Variants in DLG2 observed in about 807,000 individuals in gnomAD.
DLG2 encodes the protein discs large MAGUK scaffold protein 2, also known as disks large homolog 2.
In DLG2, 45 loss-of-function variants were observed where a neutral mutation model predicts 132.5. The ratio of observed to expected loss-of-function variants is 0.34; its 90% CI spans 0.27 to 0.44. The LOEUF (loss-of-function observed/expected upper bound fraction) is 0.44. Among genes scored for constraint, DLG2 ranks in the 20% least tolerant of loss-of-function variants. The pLI, the probability that DLG2 is intolerant of heterozygous loss-of-function variation, is 1.00. For missense variants in DLG2, 1,045 were observed against 1,196.9 expected (o/e 0.87, Z 1.87); for synonymous variants, 424 against 419.6 (o/e 1.01, Z -0.13).
At chr11:83,929,148 A>G (rs903781302) in intron 15 of DLG2, among the ~76,000 whole-genome samples, 1 of 152,204 alleles carries the variant, frequency 6.6e-6, no homozygotes, top group African/African-American at 2.4e-5. Context: ...TGGAAATGTT[A>G]GATGTAATTT....
chr11:85,273,329 G>A (rs1269055117), intron 4 of DLG2, among the ~76,000 whole-genome samples: 3 of 152,024 alleles, frequency 2.0e-5, no homozygotes, highest in Non-Finnish European at 4.4e-5. Context: ...CCTACAGAAT[G>A]GGAAGAAATT....
intron 7 of DLG2, among the ~76,000 whole-genome samples, chr11:84,510,635 C>T (rs1056460477): frequency 5.9e-5 from 9 of 151,956 alleles, no homozygotes; most frequent in Non-Finnish European, 1.0e-4. Flanking sequence ...TATAATACAA[C>T]TTGGAACATA....
intron 18 of DLG2, among the ~76,000 whole-genome samples, chr11:83,711,128 G>T (rs2085323366): frequency 1.3e-5 from 2 of 152,138 alleles, no homozygotes; most frequent in African/African-American, 4.8e-5. Flanking sequence ...TGCATTCAAA[G>T]AATGCAATTC....
chr11:85,562,097 A>C (rs1463315267), intron 3 of DLG2, among the ~76,000 whole-genome samples: 1 of 151,760 alleles, frequency 6.6e-6, no homozygotes, highest in African/African-American at 2.4e-5. Context: ...TTGAAAAAGG[A>C]ACTGTACCAC....
chr11:84,398,066 T>A (rs142939811), intron 7 of DLG2, among the ~76,000 whole-genome samples: 53 of 152,360 alleles, frequency 3.5e-4, no homozygotes, highest in African/African-American at 1.2e-3. Context: ...TAAGTGATAC[T>A]GTTATTTAAA....
intron 6 of DLG2, among the ~76,000 whole-genome samples, chr11:84,606,791 TC>T (rs945437045): frequency 2.9e-4 from 44 of 152,096 alleles, no homozygotes; most frequent in African/African-American, 1.0e-3. Context: ...AAGAAAAAGG[TC>T]ATAGGAGACA....
chr11:85,175,020 C>A (rs941162037), intron 4 of DLG2, among the ~76,000 whole-genome samples: 2 of 152,104 alleles, frequency 1.3e-5, no homozygotes, highest in Admixed American at 1.3e-4. Flanking sequence ...AAATTTACAG[C>A]TGAATTCTAC....
chr11:83,974,874 C>T (rs561232148), intron 12 of DLG2, among the ~76,000 whole-genome samples: 18 of 152,124 alleles, frequency 1.2e-4, no homozygotes, highest in African/African-American at 4.3e-4. Flanking sequence ...TGTTACTTTT[C>T]CTGTCACTTA....
chr11:83,851,253 G>T (rs6592150), intron 16 of DLG2, among the ~76,000 whole-genome samples: 60,932 of 151,596 alleles, frequency 0.4, 12,639 homozygotes, highest in African/African-American at 0.5. Flanking sequence ...AAAGGATTGT[G>T]GCAGATGTTA....
intron 3 of DLG2, among the ~76,000 whole-genome samples, chr11:85,520,912 T>TA (rs568499495): frequency 3.3e-3 from 501 of 151,198 alleles, no homozygotes; most frequent in Middle Eastern, 0.017. Flanking sequence ...ATAAAATTAC[T>TA]AAAAAAAAAC....
At chr11:84,998,626 T>C (rs2057910453) in intron 6 of DLG2, among the ~76,000 whole-genome samples, 1 of 152,164 alleles carries the variant, frequency 6.6e-6, no homozygotes, top group Non-Finnish European at 1.5e-5. Context: ...TACACAGTAA[T>C]TTGGCACCAA....
In DLG2 at chr11:85,351,387, T is replaced by C. The variant is rs147064308; in HGVS notation, c.41-66022A>G. Among the ~76,000 whole-genome samples, 601 of 152,328 alleles carry C rather than the reference T, an allele frequency of 3.9e-3. 2 individuals are homozygous for C. Among genetic ancestry groups the C allele is most frequent in the Middle Eastern group, 6.8e-3 (2 of 294 alleles). ...ACAATTTCACTTCCTCATTTCCTAA[T>C]TGAATACCCTTTATTTCCTGCTCTT... On this transcript the variant is annotated intron_variant, in intron 3 of 27. Coordinates refer to ENST00000376104, the MANE Select transcript of DLG2 (RefSeq NM_001142699.3).
At chr11:83,790,405 A>C (rs1437151737) in intron 17 of DLG2, 1 of 1,006,900 alleles carries the variant, frequency 9.9e-7, no homozygotes, top group African/African-American at 1.6e-5. Context: ...CTGCCTCCCA[A>C]CATGTGATTG....
chr11:84,098,762 T>C (rs2092109801), intron 10 of DLG2, among the ~76,000 whole-genome samples, 161 bp downstream of exon 10: 1 of 152,076 alleles, frequency 6.6e-6, no homozygotes, highest in South Asian at 2.1e-4. Context: ...TGAAATTCAA[T>C]CAGTAGCAAA....
chr11:84,064,759 GT>G (rs551479579), intron 10 of DLG2, among the ~76,000 whole-genome samples: 37 of 152,224 alleles, frequency 2.4e-4, no homozygotes, highest in Admixed American at 9.8e-4. Context: ...TGCTGAAAGT[GT>G]TTTTAAAATT....
In DLG2 at chr11:83,786,511, G is replaced by T. The variant is rs928163444; in HGVS notation, c.1825+179C>A. The stretch of plus-strand genomic sequence containing the variant: ...CTAACTGCTTGATATTTTCCTGGAA[G>T]ATTAGAGGTAACAAAGCCACGGTTC... On this transcript the variant is annotated intron_variant, in intron 18 of 27. Coordinates refer to ENST00000376104, the MANE Select transcript of DLG2 (RefSeq NM_001142699.3). The T allele has an allele frequency of 1.4e-5, 8 of 555,992 alleles. No individual in the cohort carries two copies. In the South Asian group the frequency reaches 2.1e-4, roughly 14 times the overall value. The allele number at this position is 555,992 out of a possible 1,614,324, so 34.4% of individuals were successfully genotyped here.
rs1336635303 is a variant in DLG2, at chr11:85,542,861, A to G, written c.40+55796T>C. Among the ~76,000 whole-genome samples the G allele has an allele frequency of 5.3e-5, 8 of 152,260 alleles. 1 individual carries two copies. The highest frequency in any genetic ancestry group is 3.3e-4 in the Admixed American group (5 of 15,288). ...AACAGTCAATTATATCAATAAGATA[A>G]ATATAAGTTGTATGTAGTCATATGT... On this transcript the variant is annotated intron_variant, in intron 3 of 27. Coordinates refer to ENST00000376104, the MANE Select transcript of DLG2 (RefSeq NM_001142699.3).
intron 3 of DLG2, among the ~76,000 whole-genome samples, chr11:85,417,930 T>C (rs535109703): frequency 1.3e-5 from 2 of 152,208 alleles, no homozygotes; most frequent in African/African-American, 2.4e-5. Context: ...TTAATGTCTC[T>C]ATCTCTTTCA....
chr11:84,446,098 G>GTA (rs1326576828), intron 7 of DLG2, among the ~76,000 whole-genome samples: 1 of 151,470 alleles, frequency 6.6e-6, no homozygotes, highest in Non-Finnish European at 1.5e-5. Context: ...TGCTTTCAGG[G>GTA]TATATCCTCA....
Sources: gnomAD v4.1 joint callset for allele counts (sites outside exome capture counted in the v4.1 genomes callset) on GRCh38, gnomAD v4.1.1 for gene constraint, MANE v1.5 for transcripts, NCBI Gene and HGNC (gene_info 2026-07-23, HGNC 2026-07-21) for gene names.